GFRA1: variants seen among roughly 807,000 people sequenced by gnomAD.
GFRA1 encodes the protein GDNF family receptor alpha 1, also known as GDNF family receptor alpha-1.
Under a neutral mutation model 51.6 loss-of-function variants are expected in GFRA1, and 16 were observed. That is an observed-to-expected ratio of 0.31 (90% CI 0.21 to 0.47). The LOEUF is 0.47. Ranked by LOEUF, GFRA1 falls within the 20% of genes least tolerant of loss-of-function variation. The pLI, the probability that GFRA1 is intolerant of heterozygous loss-of-function variation, is 1.00. For missense variants in GFRA1, 530 were observed against 594.3 expected (o/e 0.89, Z 1.13); for synonymous variants, 270 against 241.3 (o/e 1.12, Z -1.10).
At chr10:116,100,430 C>T (rs562857893) in intron 6 of GFRA1, among the ~76,000 whole-genome samples, 11 of 152,240 alleles carry the variant, frequency 7.2e-5, no homozygotes, top group Admixed American at 2.6e-4. Flanking sequence ...ATGCCAGAGC[C>T]GGAGATCATT....
At position 116,270,803 on chromosome 10, in the gene GFRA1, G is replaced by T; in HGVS notation, c.334+19C>A. ...TTCGGGGAGGGACACGGGGTGGGGT[G>T]GGGAGGTTCCACGCGTACCCTGCAG... On this transcript the variant is annotated intron_variant, in intron 3 of 10. Transcript: ENST00000355422. 3 of 1,602,420 alleles carry T rather than the reference G, an allele frequency of 1.9e-6. No individual in the cohort carries two copies. Among genetic ancestry groups the T allele is most frequent in the Non-Finnish European group, 1.7e-6 (2 of 1,171,954 alleles).
chr10:116,111,281 ACTT>A (rs757548507), intron 6 of GFRA1, among the ~76,000 whole-genome samples: 3 of 152,202 alleles, frequency 2.0e-5, no homozygotes, highest in Non-Finnish European at 4.4e-5. Flanking sequence ...CAGACTGTCT[ACTT>A]CTTCATGTGC....
At chr10:116,068,960 G>A (rs1955243923) in intron 9 of GFRA1, among the ~76,000 whole-genome samples, 1 of 152,134 alleles carries the variant, frequency 6.6e-6, no homozygotes, top group African/African-American at 2.4e-5. Context: ...TAAGGTATAA[G>A]GTAAATTAGA....
intron 7 of GFRA1, among the ~76,000 whole-genome samples, chr10:116,096,151 C>G (rs952135831): frequency 6.6e-6 from 1 of 152,272 alleles, no homozygotes; most frequent in African/African-American, 2.4e-5. Flanking sequence ...CCACTGCACA[C>G]TGGGAGTTGA....
At chr10:116,274,630 G>T (rs1328410861), upstream of GFRA1, among the ~76,000 whole-genome samples, 3 of 152,072 alleles carry the variant, frequency 2.0e-5, no homozygotes, top group Non-Finnish European at 4.4e-5. Flanking sequence ...GCCTCGGGGC[G>T]CGCCCCAAAC....
At chr10:116,087,665 T>C (rs1047510661) in intron 9 of GFRA1, among the ~76,000 whole-genome samples, 5 of 152,148 alleles carry the variant, frequency 3.3e-5, no homozygotes, top group Non-Finnish European at 7.4e-5. Flanking sequence ...CTTATGATAA[T>C]AGGATCCTGC....
intron 3 of GFRA1, 37 bp downstream of exon 3, chr10:116,270,785 A>C: frequency 4.7e-6 from 7 of 1,484,456 alleles, no homozygotes; most frequent in Non-Finnish European, 6.5e-6. Context: ...GCCTTCGGGG[A>C]GGGACACGGG....
chr10:116,131,907 A>G (rs1412740945), intron 5 of GFRA1, among the ~76,000 whole-genome samples: 1 of 115,068 alleles, frequency 8.7e-6, no homozygotes, highest in Non-Finnish European at 2.1e-5. Context: ...TCAAAAGGAA[A>G]AAAAAAAAAA....
intron 5 of GFRA1, among the ~76,000 whole-genome samples, chr10:116,152,356 A>G (rs899928546): frequency 6.6e-6 from 1 of 152,154 alleles, no homozygotes; most frequent in Non-Finnish European, 1.5e-5. Flanking sequence ...GCACATGCAC[A>G]CTGTATCCAT....
intron 5 of GFRA1, among the ~76,000 whole-genome samples, chr10:116,185,446 C>T (rs1172567865): frequency 2.0e-5 from 3 of 152,098 alleles, no homozygotes; most frequent in Admixed American, 6.5e-5. Context: ...AGCTTCCATG[C>T]GTGTTGCTGC....
intron 3 of GFRA1, among the ~76,000 whole-genome samples, chr10:116,270,457 T>C (rs1316577774): frequency 6.6e-6 from 1 of 152,162 alleles, no homozygotes; most frequent in African/African-American, 2.4e-5. Context: ...AGCCTTCCTA[T>C]TATTATTGAG....
At chr10:116,262,540 T>A (rs533651307) in intron 4 of GFRA1, among the ~76,000 whole-genome samples, 3 of 152,204 alleles carry the variant, frequency 2.0e-5, no homozygotes, top group Non-Finnish European at 4.4e-5. Flanking sequence ...CATACACATC[T>A]ATGCATATTT....
In GFRA1 at chr10:116,225,935, A is replaced by G. The variant is rs77971506; in HGVS notation, c.419-14290T>C. ...AATTAATTTCACCTGTGCTGTTGCTATATTTTGAACGTGGTACTGGAAAAT... is the reference window on the plus strand; with the variant it reads ...AATTAATTTCACCTGTGCTGTTGCTGTATTTTGAACGTGGTACTGGAAAAT... On this transcript the variant is annotated intron_variant, in intron 4 of 10. Transcript: ENST00000355422. Among the ~76,000 whole-genome samples, 346 of 152,308 alleles carry G rather than the reference A, an allele frequency of 2.3e-3. 3 individuals are homozygous for G. Among genetic ancestry groups the G allele is most frequent in the African/African-American group, 8.0e-3 (334 of 41,566 alleles).
At chr10:116,107,045 C>T (rs190488639) in intron 6 of GFRA1, among the ~76,000 whole-genome samples, 31 of 152,304 alleles carry the variant, frequency 2.0e-4, no homozygotes, top group African/African-American at 6.0e-4. Flanking sequence ...GCTTCCTGTA[C>T]AGCCTGTAGA....
At chr10:116,106,524 GAT>G (rs1467998733) in intron 6 of GFRA1, among the ~76,000 whole-genome samples, 6 of 151,546 alleles carry the variant, frequency 4.0e-5, no homozygotes, top group East Asian at 2.0e-4. Flanking sequence ...GGTGGGAGGT[GAT>G]TGGATCCTGG....
At chr10:116,221,635 G>C (rs1036630960) in intron 4 of GFRA1, among the ~76,000 whole-genome samples, 1 of 152,164 alleles carries the variant, frequency 6.6e-6, no homozygotes, top group Non-Finnish European at 1.5e-5. Flanking sequence ...GTGTTGGCCA[G>C]GCTGGTCTCA....
intron 6 of GFRA1, among the ~76,000 whole-genome samples, chr10:116,117,974 T>A (rs1421009778): frequency 6.6e-6 from 1 of 152,108 alleles, no homozygotes; most frequent in East Asian, 1.9e-4. Context: ...TTCAGACACC[T>A]CCACCACACA....
At chr10:116,114,273 C>T (rs1196381685) in intron 6 of GFRA1, among the ~76,000 whole-genome samples, 2 of 152,218 alleles carry the variant, frequency 1.3e-5, no homozygotes, top group African/African-American at 4.8e-5. Context: ...TGAATCTCCC[C>T]ACTCTGTGCC....
At chr10:116,224,065 A>G (rs1966112978) in intron 4 of GFRA1, among the ~76,000 whole-genome samples, 1 of 152,216 alleles carries the variant, frequency 6.6e-6, no homozygotes, top group Non-Finnish European at 1.5e-5. Context: ...TGGCTCCTCA[A>G]TCTTGAACCT....
Sources: allele counts gnomAD v4.1 joint callset (sites outside exome capture counted in the v4.1 genomes callset), GRCh38; gene constraint gnomAD v4.1.1; transcripts MANE v1.5; gene names NCBI Gene and HGNC (gene_info 2026-07-23, HGNC 2026-07-21).